Variants in AEBP1 observed in about 807,000 individuals in gnomAD.
AEBP1 encodes the protein adipocyte enhancer-binding protein 1.
In AEBP1, 69 loss-of-function variants were observed where a neutral mutation model predicts 116.5. The observed-to-expected ratio is 0.59, with a 90% CI of 0.49 to 0.72. The LOEUF (loss-of-function observed/expected upper bound fraction) is 0.72, where lower values mean the gene tolerates loss of function less well. Among genes scored for constraint, AEBP1 ranks in the 30% least tolerant of loss-of-function variants. The probability of loss-of-function intolerance (pLI) is 0.00; values close to 1 mark genes in which losing one functional copy is unlikely to be tolerated. For missense variants in AEBP1, 1,444 were observed against 1,557.5 expected (o/e 0.93, Z 1.23); for synonymous variants, 627 against 627.3 (o/e 1.00, Z 0.01).
At position 44,112,638 on chromosome 7, in the gene AEBP1, G is replaced by A. The variant is rs2096230826; in HGVS notation, c.2298G>A (p.Glu766=). The change falls in exon 18 of 21, where the codon GAG becomes GAA. Residue 766 remains glutamate, a synonymous_variant. Transcript: ENST00000223357. The surrounding 1 kb of genome is among the most constrained non-coding windows in gnomAD (Gnocchi z 6.6). ...TGGGAGCAAATCTGAACGGCGGCGAGCGGCTAGTATCCTACCCCTACGATA... is the reference window on the plus strand; with the variant it reads ...TGGGAGCAAATCTGAACGGCGGCGAACGGCTAGTATCCTACCCCTACGATA... ...FVLGANLNGG[E]RLVSYPYDMA... is the part of the protein sequence containing the mutation. The A allele has an allele frequency of 6.2e-7, 1 of 1,611,428 alleles. No homozygotes were observed. Among genetic ancestry groups the A allele is most frequent in the Admixed American group, 1.7e-5 (1 of 59,972 alleles).
At position 44,107,949 on chromosome 7, in the gene AEBP1, A is replaced by T; in HGVS notation, c.862+18A>T. Reference sequence around the variant, plus strand: ...GAGGATTGGTAGGATGGGGGGCAGGAGAGGAGGTGCCATGGCCACGGCGCT... The same window carrying T: ...GAGGATTGGTAGGATGGGGGGCAGGTGAGGAGGTGCCATGGCCACGGCGCT... On this transcript the variant is annotated intron_variant, in intron 5 of 20. Coordinates refer to ENST00000223357, the MANE Select transcript of AEBP1 (RefSeq NM_001129.5). This position sits in a 1 kb window ranked among gnomAD's most constrained non-coding sequence, Gnocchi z 4.3. 6.5e-7 allele frequency: 1 copy of T among 1,528,264 alleles called. No individual in the cohort carries two copies. Among genetic ancestry groups the T allele is most frequent in the Non-Finnish European group, 8.7e-7 (1 of 1,146,290 alleles). 94.7% of individuals were successfully genotyped at this position (1,528,264 alleles called of 1,614,324 possible).
At chr7:44,110,672 C>G (rs1243515858) in intron 11 of AEBP1, 53 bp from the exon 12 acceptor site, 3 of 1,465,812 alleles carry the variant, frequency 2.0e-6, no homozygotes, top group Non-Finnish European at 2.8e-6. Context: ...CTCAGGCCAC[C>G]TGAGGGCCTG....
In AEBP1 at chr7:44,113,226, C is replaced by T; in HGVS notation, c.2710-26C>T. ...GGACCACATTGGACCTTCCTGAGGA[C>T]CAGCAGCCCTCACCTGCTTCCCTAG... is the stretch of plus-strand genomic sequence containing the variant. On this transcript the variant is annotated intron_variant, in intron 19 of 20. Coordinates refer to ENST00000223357, the MANE Select transcript of AEBP1 (RefSeq NM_001129.5). The surrounding 1 kb of genome is among the most constrained non-coding windows in gnomAD (Gnocchi z 5.3). 1 of 1,613,392 alleles carries T rather than the reference C, an allele frequency of 6.2e-7. No individual in the cohort carries two copies. The highest frequency in any genetic ancestry group is 8.5e-7 in the Non-Finnish European group (1 of 1,179,686).
In AEBP1 at chr7:44,109,160, G is replaced by C; in HGVS notation, c.1072G>C (p.Val358Leu). 6.2e-7 allele frequency: 1 copy of C among 1,613,828 alleles called. No individual in the cohort carries two copies. The highest frequency in any genetic ancestry group is 8.5e-7 in the Non-Finnish European group (1 of 1,180,016). Residue 358 changes from valine (V) to leucine (L), a missense_variant, in exon 8 of 21, where the codon GTG becomes CTG. Coordinates refer to ENST00000223357, the MANE Select transcript of AEBP1 (RefSeq NM_001129.5). ...SPKEETDKWA[V>L]EKGKDHKEPR... ...CAAGGAGGAGACCGACAAGTGGGCA[G>C]TGGAGAAGGGCAAGGACCACAAAGG...
In AEBP1 at chr7:44,107,271, G is replaced by C. The variant is rs1269648050; in HGVS notation, c.596-168G>C. On this transcript the variant is annotated intron_variant, in intron 2 of 20. Coordinates refer to ENST00000223357, the MANE Select transcript of AEBP1 (RefSeq NM_001129.5). This position sits in a 1 kb window ranked among gnomAD's most constrained non-coding sequence, Gnocchi z 4.3. ...AGCTCTCTGGCCCCATGAGATGCCA[G>C]CAGGATGCTGAAGGCCAGAGGAGCT... Among the ~76,000 whole-genome samples, 1 of 152,228 alleles carries C rather than the reference G, an allele frequency of 6.6e-6. No homozygotes were observed. Among genetic ancestry groups the C allele is most frequent in the Non-Finnish European group, 1.5e-5 (1 of 68,028 alleles).
Position 44,111,195 on chromosome 7 carries a change from G to A in AEBP1, c.1672G>A (p.Asp558Asn), listed in dbSNP as rs143113716. The change falls in exon 14 of 21, where the codon GAT (aspartate) becomes AAT (asparagine). Residue 558 changes from aspartate (D) to asparagine (N), a missense_variant. Transcript: ENST00000223357. This position sits in a 1 kb window ranked among gnomAD's most constrained non-coding sequence, Gnocchi z 4.7. ...CGCACAGAATGAGGTGGTGGCCACC[G>A]ATGACCTGGATTTCCGGCACCACAG... The part of the protein sequence containing the change: ...YYAQNEVVAT[D>N]DLDFRHHSYK... 1.7e-5 allele frequency: 26 copies of A among 1,515,454 alleles called. No individual in the cohort carries two copies. The highest frequency in any genetic ancestry group is 4.4e-5 in the Admixed American group (2 of 45,534). 93.9% of individuals were successfully genotyped at this position (1,515,454 alleles called of 1,614,324 possible).
At position 44,113,686 on chromosome 7, in the gene AEBP1, A is replaced by C. The variant is rs1488943820; in HGVS notation, c.2902A>C (p.Asn968His). Reference sequence around the variant, plus strand: ...CTACACCCCGAGCGCCAAGACCTGCAATGTTGACTATGACATCGGGGCCAC... The same window carrying C: ...CTACACCCCGAGCGCCAAGACCTGCCATGTTGACTATGACATCGGGGCCAC... ...EGYTPSAKTC[N>H]VDYDIGATQC... Residue 968 changes from asparagine to histidine, a missense_variant, in exon 21 of 21, where the codon AAT becomes CAT. Transcript: ENST00000223357. The surrounding 1 kb of genome is among the most constrained non-coding windows in gnomAD (Gnocchi z 5.3). The C allele has an allele frequency of 2.5e-6, 4 of 1,614,016 alleles. No homozygotes were observed. The highest frequency in any genetic ancestry group is 3.4e-6 in the Non-Finnish European group (4 of 1,179,976).
rs2096232052 is a variant in AEBP1, at chr7:44,113,291, G to A, written c.2749G>A (p.Gly917Ser). 6.2e-7 allele frequency: 1 copy of A among 1,613,670 alleles called. No individual in the cohort carries two copies. Among genetic ancestry groups the A allele is most frequent in the Non-Finnish European group, 8.5e-7 (1 of 1,179,890 alleles). The change falls in exon 20 of 21, where the codon GGC becomes AGC. Residue 917 changes from glycine (G) to serine (S), a missense_variant. Physicochemically the swap from Gly to Ser is moderately conservative, Grantham distance 56. Transcript: ENST00000223357. This position sits in a 1 kb window ranked among gnomAD's most constrained non-coding sequence, Gnocchi z 5.3. ...TAAGGGGGTGGTGACGGACGAGCAA[G>A]GCATCCCCATTGCCAACGCCACCAT... Reference protein sequence around the residue: ...GIKGVVTDEQGIPIANATISV... With the variant: ...GIKGVVTDEQSIPIANATISV...
At position 44,111,627 on chromosome 7, in the gene AEBP1, C is replaced by T; in HGVS notation, c.1837C>T (p.Leu613=). ...EISDNPGEHE[L]GEPEFRYTAG... ...CTCAGACAACCCTGGGGAGCATGAACTGGGTGAGGGTCTGTGGGGGCCAGC... is the reference window on the plus strand; with the variant it reads ...CTCAGACAACCCTGGGGAGCATGAATTGGGTGAGGGTCTGTGGGGGCCAGC... The change falls in exon 15 of 21, where the codon CTG becomes TTG. Residue 613 remains leucine, a synonymous_variant. Coordinates refer to ENST00000223357, the MANE Select transcript of AEBP1 (RefSeq NM_001129.5). The surrounding 1 kb of genome is among the most constrained non-coding windows in gnomAD (Gnocchi z 4.7). The T allele has an allele frequency of 6.2e-7, 1 of 1,612,704 alleles. No individual in the cohort carries two copies. The highest frequency in any genetic ancestry group is 8.5e-7 in the Non-Finnish European group (1 of 1,179,614).
In AEBP1 at chr7:44,113,169, C is replaced by T; in HGVS notation, c.2709+39C>T. On this transcript the variant is annotated intron_variant, in intron 19 of 20. Transcript: ENST00000223357. The surrounding 1 kb of genome is among the most constrained non-coding windows in gnomAD (Gnocchi z 5.3). ...GGCAATGCCTGGGGAGAGGAGGCTGCACAGGCTCCTGGATGGGCGGGAGGG... is the reference window on the plus strand; with the variant it reads ...GGCAATGCCTGGGGAGAGGAGGCTGTACAGGCTCCTGGATGGGCGGGAGGG... The T allele has an allele frequency of 6.2e-7, 1 of 1,613,178 alleles. No individual in the cohort carries two copies. The highest frequency in any genetic ancestry group is 8.5e-7 in the Non-Finnish European group (1 of 1,179,548).
In AEBP1 at chr7:44,111,328, C is replaced by A; in HGVS notation, c.1716+89C>A. On this transcript the variant is annotated intron_variant, in intron 14 of 20. Coordinates refer to ENST00000223357, the MANE Select transcript of AEBP1 (RefSeq NM_001129.5). This position sits in a 1 kb window ranked among gnomAD's most constrained non-coding sequence, Gnocchi z 4.7. ...TGGTGCTTCTGTCACTGGGCCCAGT[C>A]CCTACTGGTTCCAGGGATGCTGGCT... 1 of 1,413,756 alleles carries A rather than the reference C, an allele frequency of 7.1e-7. No individual in the cohort carries two copies. The highest frequency in any genetic ancestry group is 1.5e-5 in the South Asian group (1 of 66,544). 87.6% of individuals were successfully genotyped at this position (1,413,756 alleles called of 1,614,324 possible).
rs201863391 is a variant in AEBP1, at chr7:44,111,140, C to G, written c.1631-14C>G. On this transcript the variant is annotated splice_polypyrimidine_tract_variant and intron_variant, in intron 13 of 20. Transcript: ENST00000223357. The surrounding 1 kb of genome is among the most constrained non-coding windows in gnomAD (Gnocchi z 4.7). ...GCCGGCACCCAGCTAAAGACAACCC[C>G]GCCTCCCTTGCAGCTGTCTACAGCT... 4.5e-6 allele frequency: 7 copies of G among 1,561,618 alleles called. No individual in the cohort carries two copies. In the South Asian group the frequency reaches 7.3e-5, roughly 16 times the overall value.
Position 44,107,739 on chromosome 7 carries a change from C to T in AEBP1, c.739+39C>T, listed in dbSNP as rs2096224460. Reference sequence around the variant, plus strand: ...TGCCAGCCCCACCTGGGTCGGACCCCTGGCCTGGGGGATGTGCCAATGGGC... The same window carrying T: ...TGCCAGCCCCACCTGGGTCGGACCCTTGGCCTGGGGGATGTGCCAATGGGC... On this transcript the variant is annotated intron_variant, in intron 4 of 20. Transcript: ENST00000223357. The surrounding 1 kb of genome is among the most constrained non-coding windows in gnomAD (Gnocchi z 4.3). 3 of 1,613,226 alleles carry T rather than the reference C, an allele frequency of 1.9e-6. No homozygotes were observed. Among genetic ancestry groups the T allele is most frequent in the Non-Finnish European group, 2.5e-6 (3 of 1,179,902 alleles).
chr7:44,109,838 C>T (rs1224832413), intron 9 of AEBP1, 177 bp from the exon 10 acceptor site: 2 of 622,792 alleles, frequency 3.2e-6, no homozygotes, highest in Admixed American at 2.9e-5. Flanking sequence ...CCTGGCCTGG[C>T]TTTGAGTCGA....
Position 44,112,077 on chromosome 7 carries a change from G to A in AEBP1, c.2037+27G>A, listed in dbSNP as rs369849610. ...TGGGTTGAAGGGTGAGGCTGGCCAG[G>A]GTCCAGGCAGCTGGGGGTTGTGGGG... On this transcript the variant is annotated intron_variant, in intron 16 of 20. Transcript: ENST00000223357. The surrounding 1 kb of genome is among the most constrained non-coding windows in gnomAD (Gnocchi z 6.6). 4.1e-5 allele frequency: 66 copies of A among 1,606,498 alleles called. No homozygotes were observed. The highest frequency in any genetic ancestry group is 5.2e-5 in the Non-Finnish European group (61 of 1,174,216).
Position 44,107,688 on chromosome 7 carries a change from G to A in AEBP1, c.727G>A (p.Asp243Asn). Residue 243 changes from aspartate (D) to asparagine (N), a missense_variant, in exon 4 of 21, where the codon GAC becomes AAC. Transcript: ENST00000223357. This position sits in a 1 kb window ranked among gnomAD's most constrained non-coding sequence, Gnocchi z 4.3. The part of the protein sequence containing the change: ...LDYNDQIERE[D>N]YEDFEYIRRQ... ...CTACAATGACCAGATCGAGAGGGAGGACTATGAGGACTGTGAGTAGGGTCC... is the reference window on the plus strand; with the variant it reads ...CTACAATGACCAGATCGAGAGGGAGAACTATGAGGACTGTGAGTAGGGTCC... The A allele has an allele frequency of 6.2e-7, 1 of 1,613,556 alleles. No individual in the cohort carries two copies. Among genetic ancestry groups the A allele is most frequent in the South Asian group, 1.1e-5 (1 of 91,068 alleles).
intron 11 of AEBP1, among the ~76,000 whole-genome samples, 178 bp downstream of exon 11, chr7:44,110,524 G>A (rs187725303): frequency 2.0e-5 from 3 of 152,350 alleles, no homozygotes; most frequent in East Asian, 3.9e-4. Flanking sequence ...GTCAGCCCCT[G>A]TGTCCTGATA....
rs1360971850 is a variant in AEBP1 at position 44,111,421 on chromosome 7, A to G, written c.1717-86A>G. 6.7e-7 allele frequency: 1 copy of G among 1,491,186 alleles called. No homozygotes were observed. Among genetic ancestry groups the G allele is most frequent in the East Asian group, 2.4e-5 (1 of 42,246 alleles). The allele number at this position is 1,491,186 out of a possible 1,614,324, so 92.4% of individuals were successfully genotyped here. Reference sequence around the variant, plus strand: ...GAAGGGGTCATGCCCGTCCCTCGCCATAGAGCAGGCCCTGGAAGTGGAAGG... The same window carrying G: ...GAAGGGGTCATGCCCGTCCCTCGCCGTAGAGCAGGCCCTGGAAGTGGAAGG... On this transcript the variant is annotated intron_variant, in intron 14 of 20. Coordinates refer to ENST00000223357, the MANE Select transcript of AEBP1 (RefSeq NM_001129.5). The surrounding 1 kb of genome is among the most constrained non-coding windows in gnomAD (Gnocchi z 4.7).
In AEBP1 at chr7:44,113,082, C is replaced by T; in HGVS notation, c.2661C>T (p.Pro887=). 1 of 1,614,064 alleles carries T rather than the reference C, an allele frequency of 6.2e-7. No individual in the cohort carries two copies. The highest frequency in any genetic ancestry group is 8.5e-7 in the Non-Finnish European group (1 of 1,180,026). ...AGTTCCCTCATGAGAGTGAGCTGCC[C>T]CGCGAGTGGGAGAACAACAAGGAGG... ...CDKFPHESEL[P]REWENNKEAL... Residue 887 remains proline, a synonymous_variant, in exon 19 of 21, where the codon CCC becomes CCT. Coordinates refer to ENST00000223357, the MANE Select transcript of AEBP1 (RefSeq NM_001129.5). The surrounding 1 kb of genome is among the most constrained non-coding windows in gnomAD (Gnocchi z 5.3).
Sources: allele counts gnomAD v4.1 joint callset (sites outside exome capture counted in the v4.1 genomes callset), GRCh38; gene constraint gnomAD v4.1.1; non-coding constraint Gnocchi (gnomAD v3.1); transcripts MANE v1.5; gene names NCBI Gene and HGNC (gene_info 2026-07-23, HGNC 2026-07-21).